The following NALF1 variants were observed in gnomAD, a reference collection of about 807,000 sequenced individuals.
The protein encoded by NALF1 is NALCN channel auxiliary factor 1.
Under a neutral mutation model 48.4 loss-of-function variants are expected in NALF1, and 3 were observed. That is an observed-to-expected ratio of 0.06 (90% CI 0.03 to 0.16). The LOEUF is 0.16. Ranked by LOEUF, NALF1 falls within the 10% of genes least tolerant of loss-of-function variation. The pLI is 1.00. For missense variants in NALF1, 526 were observed against 571.5 expected (o/e 0.92, Z 0.81); for synonymous variants, 262 against 245.7 (o/e 1.07, Z -0.62).
In NALF1 at chr13:107,258,373, C is replaced by G. The variant is rs549712647; in HGVS notation, c.916-47618G>C. On this transcript the variant is annotated intron_variant, in intron 1 of 2. Coordinates refer to ENST00000375915, the MANE Select transcript of NALF1 (RefSeq NM_001080396.3). ...AAGGATCTAACTCATATTGCCTCCA[C>G]GACACATTTGAAATCTAAGATAAAA... Among the ~76,000 whole-genome samples the G allele has an allele frequency of 3.4e-4, 52 of 152,226 alleles. No homozygotes were observed. In the South Asian group the frequency reaches 4.8e-3, roughly 14 times the overall value.
At chr13:107,691,680 T>C in intron 1 of NALF1, among the ~76,000 whole-genome samples, 1 of 152,208 alleles carries the variant, frequency 6.6e-6, no homozygotes, top group East Asian at 1.9e-4. Context: ...GCTTTGATGG[T>C]TTTTGTGATA....
At chr13:107,345,192 C>G (rs1027292664) in intron 1 of NALF1, among the ~76,000 whole-genome samples, 2 of 152,054 alleles carry the variant, frequency 1.3e-5, no homozygotes, top group South Asian at 2.1e-4. Context: ...ATCCTTTGTT[C>G]TTGCATTGGA....
At position 107,224,549 on chromosome 13, in the gene NALF1, A is replaced by G. The variant is rs555190151; in HGVS notation, c.916-13794T>C. On this transcript the variant is annotated intron_variant, in intron 1 of 2. Coordinates refer to ENST00000375915, the MANE Select transcript of NALF1 (RefSeq NM_001080396.3). Reference sequence around the variant, plus strand: ...ATTGGTTAACTGGTTAAAAAAGCTAATAAATTTTATGTCCGTAGCAATGTC... The same window carrying G: ...ATTGGTTAACTGGTTAAAAAAGCTAGTAAATTTTATGTCCGTAGCAATGTC... Among the ~76,000 whole-genome samples the G allele has an allele frequency of 5.3e-5, 8 of 151,910 alleles. No homozygotes were observed. In the East Asian group the frequency reaches 1.5e-3, roughly 29 times the overall value.
chr13:107,866,447 G>C lies in NALF1; in HGVS notation c.150C>G (p.Val50=). 1 of 1,614,182 alleles carries C rather than the reference G, an allele frequency of 6.2e-7. No individual in the cohort carries two copies. The highest frequency in any genetic ancestry group is 8.5e-7 in the Non-Finnish European group (1 of 1,180,042). ...LSLASLLFFT[V]LLSDHLWFCA... ...AGAACCACAAGTGATCAGAGAGCAGGACTGTGAAAAACAAGAGAGATGCCA... is the reference window on the plus strand; with the variant it reads ...AGAACCACAAGTGATCAGAGAGCAGCACTGTGAAAAACAAGAGAGATGCCA... Residue 50 remains valine (V), a synonymous_variant, in exon 1 of 3, where the codon GTC becomes GTG. Transcript: ENST00000375915. This position sits in a 1 kb window ranked among gnomAD's most constrained non-coding sequence, Gnocchi z 4.4.
intron 1 of NALF1, among the ~76,000 whole-genome samples, chr13:107,635,329 T>A (rs1266620094): frequency 1.3e-5 from 2 of 152,016 alleles, no homozygotes; most frequent in Non-Finnish European, 2.9e-5. Flanking sequence ...AACATGTCCT[T>A]CTTCACATGA....
chr13:107,219,941 TA>T (rs1168189434), intron 1 of NALF1, among the ~76,000 whole-genome samples: 5 of 152,242 alleles, frequency 3.3e-5, no homozygotes, highest in African/African-American at 1.2e-4. Context: ...GTGCACATTA[TA>T]GAACTAGAAT....
chr13:107,543,364 T>C (rs1195893179), intron 1 of NALF1, among the ~76,000 whole-genome samples: 5 of 152,032 alleles, frequency 3.3e-5, no homozygotes, highest in Admixed American at 3.3e-4. Flanking sequence ...ATGAATTCAA[T>C]TGTAATTAAC....
chr13:107,547,582 G>A (rs1429579877), intron 1 of NALF1, among the ~76,000 whole-genome samples: 1 of 152,102 alleles, frequency 6.6e-6, no homozygotes, highest in Admixed American at 6.5e-5. Flanking sequence ...CCATTTTACA[G>A]ATGAGGTTAC....
At chr13:107,801,268 A>AG (rs1409345587) in intron 1 of NALF1, among the ~76,000 whole-genome samples, 2 of 152,224 alleles carry the variant, frequency 1.3e-5, no homozygotes, top group African/African-American at 4.8e-5. Context: ...ACTGTCTCAT[A>AG]GCTAATTTTT....
chr13:107,506,091 A>C (rs1311659934), intron 1 of NALF1, among the ~76,000 whole-genome samples: 3 of 152,136 alleles, frequency 2.0e-5, no homozygotes, highest in Non-Finnish European at 4.4e-5. Flanking sequence ...ATGTTGTTCC[A>C]CTGGCATTAT....
At chr13:107,226,166 CT>C (rs1238203956) in intron 1 of NALF1, among the ~76,000 whole-genome samples, 1 of 152,074 alleles carries the variant, frequency 6.6e-6, no homozygotes, top group African/African-American at 2.4e-5. Flanking sequence ...ACAGCAGAGC[CT>C]CCAGAGAGCA....
intron 2 of NALF1, among the ~76,000 whole-genome samples, chr13:107,177,506 G>A (rs1878962602): frequency 6.6e-6 from 1 of 152,074 alleles, no homozygotes; most frequent in African/African-American, 2.4e-5. Flanking sequence ...TACTGCAGAG[G>A]TACAGTCACC....
chr13:107,757,644 CACAT>C (rs1341874869), intron 1 of NALF1, among the ~76,000 whole-genome samples: 1 of 152,030 alleles, frequency 6.6e-6, no homozygotes, highest in Admixed American at 6.5e-5. Context: ...TGTATACACA[CACAT>C]ACACACATAC....
intron 1 of NALF1, among the ~76,000 whole-genome samples, chr13:107,790,302 T>C (rs1023324866): frequency 1.3e-5 from 2 of 152,092 alleles, no homozygotes; most frequent in African/African-American, 4.8e-5. Context: ...AGTGGAATAA[T>C]ACAGTACAAA....
chr13:107,719,759 T>C (rs929302414), intron 1 of NALF1, among the ~76,000 whole-genome samples: 3 of 152,058 alleles, frequency 2.0e-5, no homozygotes, highest in African/African-American at 4.8e-5. Flanking sequence ...TTTTCCTTTT[T>C]CCCCCAACAT....
At chr13:107,281,886 C>A (rs943622453) in intron 1 of NALF1, among the ~76,000 whole-genome samples, 2 of 152,120 alleles carry the variant, frequency 1.3e-5, no homozygotes, top group Non-Finnish European at 2.9e-5. Context: ...AGAATTCACT[C>A]AATATCACGG....
chr13:107,572,307 G>A (rs1169448090), intron 1 of NALF1, among the ~76,000 whole-genome samples: 1 of 152,074 alleles, frequency 6.6e-6, no homozygotes, highest in East Asian at 1.9e-4. Context: ...GGGAGGCAGA[G>A]AAAGTTTGTC....
intron 1 of NALF1, among the ~76,000 whole-genome samples, chr13:107,543,449 T>C (rs1435716920): frequency 1.3e-5 from 2 of 152,012 alleles, no homozygotes; most frequent in African/African-American, 4.8e-5. Context: ...AAAGAGGCAG[T>C]TACAATTCAG....
chr13:107,424,186 G>A (rs1884240125), intron 1 of NALF1, among the ~76,000 whole-genome samples: 1 of 152,128 alleles, frequency 6.6e-6, no homozygotes, highest in African/African-American at 2.4e-5. Context: ...TGCCCAGGCT[G>A]AAGTGCAGAG....
Sources: gnomAD v4.1 joint callset for allele counts (sites outside exome capture counted in the v4.1 genomes callset) on GRCh38, gnomAD v4.1.1 for gene constraint, Gnocchi (gnomAD v3.1) non-coding constraint, MANE v1.5 for transcripts, NCBI Gene and HGNC (gene_info 2026-07-23, HGNC 2026-07-21) for gene names.